Variants in AK2 observed in about 807,000 individuals in gnomAD.
AK2 encodes the protein adenylate kinase 2, also known as adenylate kinase 2, mitochondrial.
In AK2, 15 loss-of-function variants were observed where a neutral mutation model predicts 24.6. That is an observed-to-expected ratio of 0.61 (90% CI 0.41 to 0.94). The LOEUF is 0.94. AK2 is among the 40% of genes least tolerant of loss of function. The probability of loss-of-function intolerance (pLI) is 0.00; values close to 1 mark genes in which losing one functional copy is unlikely to be tolerated. For synonymous variants in AK2, 102 were observed against 114.0 expected, an observed-to-expected ratio of 0.90 and a Z score of 0.67; for missense variants, 257 against 304.1, an observed-to-expected ratio of 0.85 and a Z score of 1.15.
chr1:33,015,669 T>C (rs1639139120), intron 4 of AK2, among the ~76,000 whole-genome samples: 1 of 152,182 alleles, frequency 6.6e-6, no homozygotes, highest in African/African-American at 2.4e-5. Context: ...GGGGGGCAGA[T>C]CACCTGAGGT....
chr1:33,031,233 A>G (rs1640216644), intron 1 of AK2: 1 of 162,466 alleles, frequency 6.2e-6, no homozygotes. Context: ...TTTTCCATTC[A>G]TATTCATTTC....
At chr1:33,036,606 C>G (rs1640594067) in intron 1 of AK2, 130 bp downstream of exon 1, 1 of 858,148 alleles carries the variant, frequency 1.2e-6, no homozygotes, top group African/African-American at 1.7e-5. Flanking sequence ...AGAACCGAGA[C>G]CCCGGCCAGC....
Position 33,024,520 on chromosome 1 carries a change from C to A in AK2, c.141G>T (p.Gly47=), listed in dbSNP as rs1639752985. Residue 47 remains glycine, a synonymous_variant, in exon 2 of 6, where the codon GGG becomes GGT. Coordinates refer to ENST00000672715, the MANE Select transcript of AK2 (RefSeq NM_001625.4). The stretch of plus-strand genomic sequence containing the variant: ...AAGCCACCATGGCCCTCAGCATGTC[C>A]CCAGTAGCTAAATGGCAGACACAGA... ...ENFCVCHLAT[G]DMLRAMVASG... is the part of the protein sequence containing the mutation. 3 of 1,614,024 alleles carry A rather than the reference C, an allele frequency of 1.9e-6. No individual in the cohort carries two copies. The highest frequency in any genetic ancestry group is 2.5e-6 in the Non-Finnish European group (3 of 1,180,016).
chr1:33,033,179 GAAAAAT>G, intron 1 of AK2, among the ~76,000 whole-genome samples: 1 of 146,112 alleles, frequency 6.8e-6, no homozygotes, highest in East Asian at 2.0e-4. Flanking sequence ...AAAAAGAAAA[GAAAAAT>G]AATCCAATTT....
chr1:33,024,345 A>G, intron 2 of AK2, 97 bp downstream of exon 2: 1 of 1,516,812 alleles, frequency 6.6e-7, no homozygotes, highest in Non-Finnish European at 9.1e-7. Context: ...TAATTAAATT[A>G]ATCTAAATAG....
chr1:33,016,846 C>T lies in AK2; in HGVS notation c.426-2252G>A, dbSNP rs183712824. ...TCAGCCTCCTGAGTAGCTGGGATTA[C>T]AGATGCCTGCCACCACGCCCGGCTA... On this transcript the variant is annotated intron_variant, in intron 4 of 5. Coordinates refer to ENST00000672715, the MANE Select transcript of AK2 (RefSeq NM_001625.4). Among the ~76,000 whole-genome samples the T allele has an allele frequency of 1.2e-3, 185 of 152,044 alleles. 1 individual carries two copies. Among genetic ancestry groups the T allele is most frequent in the Non-Finnish European group, 1.8e-3 (122 of 67,980 alleles).
chr1:33,021,854 C>T (rs1040656286), intron 2 of AK2, 151 bp from the exon 3 acceptor site: 7 of 685,162 alleles, frequency 1.0e-5, no homozygotes, highest in Admixed American at 2.4e-5. Flanking sequence ...TAAAAGCAAA[C>T]GTGAAATGGC....
In AK2 at chr1:33,019,962, A is replaced by G; in HGVS notation, c.425+1405T>C. On this transcript the variant is annotated intron_variant, in intron 4 of 5. Coordinates refer to ENST00000672715, the MANE Select transcript of AK2 (RefSeq NM_001625.4). ...TTCCTGAGACACCATTAAAATGACAAAGACATAAAAAAGCTACAGCCCACA... is the reference window on the plus strand; with the variant it reads ...TTCCTGAGACACCATTAAAATGACAGAGACATAAAAAAGCTACAGCCCACA... 4.2e-6 allele frequency: 6 copies of G among 1,425,586 alleles called. No homozygotes were observed. In the South Asian group the frequency reaches 9.1e-5, roughly 22 times the overall value. 88.3% of individuals were successfully genotyped at this position (1,425,586 alleles called of 1,614,324 possible).
chr1:33,035,204 G>A (rs1056330599), intron 1 of AK2, among the ~76,000 whole-genome samples: 1 of 152,142 alleles, frequency 6.6e-6, no homozygotes, highest in Non-Finnish European at 1.5e-5. Context: ...AGGATAAAGG[G>A]ATCAGGTACA....
intron 1 of AK2, among the ~76,000 whole-genome samples, chr1:33,033,169 A>G (rs1013343263): frequency 1.4e-5 from 2 of 147,684 alleles, no homozygotes; most frequent in Non-Finnish European, 1.5e-5. Context: ...CAAAAAAAAA[A>G]AAAAGAAAAG....
intron 1 of AK2, among the ~76,000 whole-genome samples, chr1:33,025,429 G>A (rs542965613): frequency 4.3e-4 from 65 of 152,286 alleles, no homozygotes; most frequent in Non-Finnish European, 5.6e-4. Flanking sequence ...CTCCTTCCCT[G>A]TCACTAAGTA....
At chr1:33,032,960 G>A (rs1388810335) in intron 1 of AK2, among the ~76,000 whole-genome samples, 1 of 151,972 alleles carries the variant, frequency 6.6e-6, no homozygotes, top group Non-Finnish European at 1.5e-5. Flanking sequence ...TCAGGAGATC[G>A]AGACCATCCT....
chr1:33,030,014 T>C (rs1228149033), intron 1 of AK2, among the ~76,000 whole-genome samples: 1 of 152,196 alleles, frequency 6.6e-6, no homozygotes, highest in Non-Finnish European at 1.5e-5. Context: ...TCCAAATATC[T>C]TAGCCTGGCA....
At chr1:33,036,629 C>T (rs1283270869) in intron 1 of AK2, 107 bp downstream of exon 1, 2 of 1,062,480 alleles carry the variant, frequency 1.9e-6, no homozygotes, top group Admixed American at 2.0e-5. Context: ...TCCCCGCAGG[C>T]CTTAGTCCCC....
intron 2 of AK2, among the ~76,000 whole-genome samples, chr1:33,023,852 A>G (rs1222922138): frequency 2.6e-5 from 4 of 152,200 alleles, no homozygotes; most frequent in African/African-American, 9.6e-5. Context: ...TAAATTCAGA[A>G]CAAACAAAAT....
intron 1 of AK2, among the ~76,000 whole-genome samples, chr1:33,034,520 G>A (rs1401915075): frequency 6.6e-6 from 1 of 151,626 alleles, no homozygotes; most frequent in Non-Finnish European, 1.5e-5. Context: ...CATTGTGAAT[G>A]TTTAGTTGAT....
Position 33,012,901 on chromosome 1 carries a change from A to C in AK2, c.*280T>G. On this transcript the variant is annotated 3_prime_UTR_variant, in exon 6 of 6. Coordinates refer to ENST00000672715, the MANE Select transcript of AK2 (RefSeq NM_001625.4). Reference sequence around the variant, plus strand: ...TGGCAGAGCGAAACCTTGTCTCAAAACAACAACAAAAAAGAAGTAAACAGC... The same window carrying C: ...TGGCAGAGCGAAACCTTGTCTCAAACCAACAACAAAAAAGAAGTAAACAGC... The C allele has an allele frequency of 7.3e-7, 1 of 1,377,036 alleles. No homozygotes were observed. Among genetic ancestry groups the C allele is most frequent in the Non-Finnish European group, 9.6e-7 (1 of 1,045,914 alleles). The allele number at this position is 1,377,036 out of a possible 1,614,324, so 85.3% of individuals were successfully genotyped here.
chr1:33,027,042 C>T (rs1639934138), intron 1 of AK2, among the ~76,000 whole-genome samples: 1 of 152,066 alleles, frequency 6.6e-6, no homozygotes, highest in African/African-American at 2.4e-5. Flanking sequence ...AGGAGAATTG[C>T]TTGAACCCAG....
Position 33,012,337 on chromosome 1 carries a change from T to C in AK2, c.*844A>G. 6.5e-7 allele frequency: 1 copy of C among 1,530,530 alleles called. No homozygotes were observed. The highest frequency in any genetic ancestry group is 1.2e-5 in the South Asian group (1 of 83,106). 94.8% of individuals were successfully genotyped at this position (1,530,530 alleles called of 1,614,324 possible). A position where few individuals can be genotyped will look rare whatever the true frequency, so the allele number is the denominator to read the frequency against. On this transcript the variant is annotated 3_prime_UTR_variant, in exon 6 of 6. Transcript: ENST00000672715. ...CCTGCAAAGTAAGTGCCTTTTTCCTTCCACCTAGGGGGAAAAAATTAATGA... is the reference window on the plus strand; with the variant it reads ...CCTGCAAAGTAAGTGCCTTTTTCCTCCCACCTAGGGGGAAAAAATTAATGA...
Sources: gnomAD v4.1 joint callset for allele counts (sites outside exome capture counted in the v4.1 genomes callset) on GRCh38, gnomAD v4.1.1 for gene constraint, MANE v1.5 for transcripts, NCBI Gene and HGNC (gene_info 2026-07-23, HGNC 2026-07-21) for gene names.